Variants in TTC28 observed in about 807,000 individuals in gnomAD.
TTC28 encodes tetratricopeptide repeat protein 28.
Under a neutral mutation model 198.0 loss-of-function variants are expected in TTC28, and 61 were observed. The ratio of observed to expected loss-of-function variants is 0.31; its 90% CI spans 0.25 to 0.38. TTC28 has a LOEUF of 0.38. TTC28 is among the 10% of genes least tolerant of loss of function. The pLI is 1.00. For missense variants in TTC28, 2,678 were observed against 3,164.0 expected (o/e 0.85, Z 3.69); for synonymous variants, 1,171 against 1,297.8 (o/e 0.90, Z 2.10).
intron 2 of TTC28, among the ~76,000 whole-genome samples, chr22:28,564,018 G>A (rs937940630): frequency 1.3e-5 from 2 of 152,066 alleles, no homozygotes; most frequent in African/African-American, 4.8e-5. Context: ...ATTACACTAA[G>A]TGCAAGAAAC....
At chr22:28,463,143 C>A (rs1346377711) in intron 2 of TTC28, among the ~76,000 whole-genome samples, 3 of 152,166 alleles carry the variant, frequency 2.0e-5, no homozygotes, top group Admixed American at 1.3e-4. Context: ...CCACTTGATG[C>A]GGATGCTGAA....
At chr22:28,258,043 C>T (rs1409054877) in intron 5 of TTC28, among the ~76,000 whole-genome samples, 3 of 151,904 alleles carry the variant, frequency 2.0e-5, no homozygotes, top group Non-Finnish European at 4.4e-5. Context: ...TGTCAGTCCT[C>T]CTGTCTTCTA....
intron 2 of TTC28, among the ~76,000 whole-genome samples, chr22:28,533,070 G>C (rs1003348028): frequency 2.0e-5 from 3 of 152,146 alleles, no homozygotes; most frequent in African/African-American, 4.8e-5. Flanking sequence ...AATCAGGCAG[G>C]AGAAAGAAAT....
At chr22:28,629,982 A>G (rs755290155) in intron 1 of TTC28, among the ~76,000 whole-genome samples, 152 bp from the exon 2 acceptor site, 1 of 152,146 alleles carries the variant, frequency 6.6e-6, no homozygotes, top group Non-Finnish European at 1.5e-5. Context: ...TTTAGGTCAT[A>G]GGAGTAAATC....
chr22:27,979,658 T>A lies in TTC28; in HGVS notation c.*2563A>T, dbSNP rs1198340877. 6.6e-6 allele frequency: 1 copy of A among 152,220 alleles called. No individual in the cohort carries two copies. Among genetic ancestry groups the A allele is most frequent in the Non-Finnish European group, 1.5e-5 (1 of 68,046 alleles). 9.4% of individuals were successfully genotyped at this position (152,220 alleles called of 1,614,324 possible). On this transcript the variant is annotated 3_prime_UTR_variant, in exon 23 of 23. Transcript: ENST00000397906. Reference sequence around the variant, plus strand: ...GGGTCATAGTTGCCAACCCCTGATCTACACAAAGAAATCTTGGTGAATTAT... The same window carrying A: ...GGGTCATAGTTGCCAACCCCTGATCAACACAAAGAAATCTTGGTGAATTAT...
chr22:28,247,076 A>G (rs1054242227), intron 5 of TTC28, among the ~76,000 whole-genome samples: 3 of 152,186 alleles, frequency 2.0e-5, no homozygotes, highest in African/African-American at 7.2e-5. Context: ...AAAATGATTA[A>G]GATCAAGATA....
chr22:28,282,225 T>C (rs2044597296), intron 5 of TTC28, among the ~76,000 whole-genome samples: 1 of 152,230 alleles, frequency 6.6e-6, no homozygotes, highest in Admixed American at 6.5e-5. Flanking sequence ...GCTGTGCTGA[T>C]ATAAGCGACT....
At chr22:28,165,422 C>T (rs1179851066) in intron 5 of TTC28, among the ~76,000 whole-genome samples, 2 of 151,786 alleles carry the variant, frequency 1.3e-5, no homozygotes, top group East Asian at 3.9e-4. Flanking sequence ...TAAGAGCAGC[C>T]AGAGAGAAAG....
At chr22:28,377,038 C>T (rs1418702708) in intron 2 of TTC28, among the ~76,000 whole-genome samples, 1 of 150,684 alleles carries the variant, frequency 6.6e-6, no homozygotes, top group African/African-American at 2.4e-5. Flanking sequence ...ATACATAGGA[C>T]GTAACAGATT....
chr22:28,087,053 C>A (rs529263606), intron 12 of TTC28, among the ~76,000 whole-genome samples: 1 of 152,052 alleles, frequency 6.6e-6, no homozygotes, highest in South Asian at 2.1e-4. Context: ...CAGGACCAGA[C>A]GGATTCACAG....
intron 14 of TTC28, 168 bp from the exon 15 acceptor site, chr22:28,001,721 G>A (rs7286215): frequency 0.012 from 8,232 of 709,846 alleles, 73 homozygotes; most frequent in Non-Finnish European, 0.015. Flanking sequence ...CTGCAGGAGC[G>A]GCACCAACTG....
intron 5 of TTC28, among the ~76,000 whole-genome samples, chr22:28,244,656 G>A (rs1179112202): frequency 1.3e-5 from 2 of 152,114 alleles, no homozygotes; most frequent in Non-Finnish European, 2.9e-5. Context: ...AGTACTAAAC[G>A]GCTGCTCTGA....
chr22:28,656,442 C>G (rs1425262322), intron 1 of TTC28, among the ~76,000 whole-genome samples: 1 of 152,182 alleles, frequency 6.6e-6, no homozygotes, highest in Admixed American at 6.5e-5. Context: ...CTTTACCACC[C>G]ACCACTCGCA....
intron 5 of TTC28, among the ~76,000 whole-genome samples, chr22:28,261,781 C>T (rs933016994): frequency 1.3e-5 from 2 of 152,062 alleles, no homozygotes; most frequent in African/African-American, 4.8e-5. Flanking sequence ...TCTTGAACTC[C>T]TGTGCTCAAG....
chr22:28,599,320 T>G (rs1027712423), intron 2 of TTC28, among the ~76,000 whole-genome samples: 2 of 152,262 alleles, frequency 1.3e-5, no homozygotes, highest in Admixed American at 1.3e-4. Flanking sequence ...TATCAAATTC[T>G]GAACCTTTGG....
chr22:28,646,833 C>T (rs1320231395), intron 1 of TTC28, among the ~76,000 whole-genome samples: 1 of 152,128 alleles, frequency 6.6e-6, no homozygotes, highest in African/African-American at 2.4e-5. Context: ...CACTGCAGTC[C>T]AGCCTGGGCG....
rs565817714 is a variant in TTC28 at position 28,640,814 on chromosome 22, C to G, written c.103-10984G>C. Among the ~76,000 whole-genome samples, 10 of 152,100 alleles carry G rather than the reference C, an allele frequency of 6.6e-5. No individual in the cohort carries two copies. The South Asian group carries it at 2.1e-3, about 32-fold the overall frequency. On this transcript the variant is annotated intron_variant, in intron 1 of 22. Transcript: ENST00000397906. ...CACTGTGGAAATAGTACGGCAGGTCCTAGAAAAGATAAACATAGAGTTACT... is the reference window on the plus strand; with the variant it reads ...CACTGTGGAAATAGTACGGCAGGTCGTAGAAAAGATAAACATAGAGTTACT...
chr22:28,535,471 T>G (rs1399163732), intron 2 of TTC28, among the ~76,000 whole-genome samples: 1 of 152,252 alleles, frequency 6.6e-6, no homozygotes, highest in Admixed American at 6.5e-5. Context: ...TTGCTAAATT[T>G]TATACCTTTG....
At chr22:28,381,654 C>T (rs1045593064) in intron 2 of TTC28, among the ~76,000 whole-genome samples, 8 of 152,070 alleles carry the variant, frequency 5.3e-5, no homozygotes, top group Admixed American at 5.2e-4. Context: ...TAAAAATGTA[C>T]TTTAAAATAA....
Sources: allele counts gnomAD v4.1 joint callset (sites outside exome capture counted in the v4.1 genomes callset), GRCh38; gene constraint gnomAD v4.1.1; transcripts MANE v1.5; gene names NCBI Gene and HGNC (gene_info 2026-07-23, HGNC 2026-07-21).